Variants in RBFOX1 observed in about 807,000 individuals in gnomAD.
The protein encoded by RBFOX1 is RNA binding fox-1 homolog 1, also known as RNA binding protein fox-1 homolog 1.
RBFOX1 carries 8 observed loss-of-function variants against 57.7 expected under a neutral mutation model. The observed-to-expected ratio is 0.14, with a 90% CI of 0.08 to 0.25. The LOEUF (loss-of-function observed/expected upper bound fraction) is 0.25, where lower values mean the gene tolerates loss of function less well. RBFOX1 is among the 10% of genes least tolerant of loss of function. The pLI, the probability that RBFOX1 is intolerant of heterozygous loss-of-function variation, is 1.00. For synonymous variants in RBFOX1, 326 were observed against 222.4 expected (o/e 1.47, Z -4.15); for missense variants, 611 against 548.5 (o/e 1.11, Z -1.14).
intron 3 of RBFOX1, among the ~76,000 whole-genome samples, chr16:6,930,774 C>T (rs777724084): frequency 6.6e-6 from 1 of 152,126 alleles, no homozygotes; most frequent in African/African-American, 2.4e-5. Context: ...TTGATCCTCC[C>T]TCAGAGAGCT....
intron 2 of RBFOX1, among the ~76,000 whole-genome samples, chr16:6,386,809 A>G (rs2092313892): frequency 6.6e-6 from 1 of 152,222 alleles, no homozygotes; most frequent in Admixed American, 6.5e-5. Flanking sequence ...AATATAAAGA[A>G]TTATTCATGA....
intron 4 of RBFOX1, among the ~76,000 whole-genome samples, chr16:7,079,362 A>G (rs1325841557): frequency 1.3e-5 from 2 of 152,186 alleles, no homozygotes. Context: ...GAGGAAAGGT[A>G]TGCTGAGCAG....
intron 1 of RBFOX1, among the ~76,000 whole-genome samples, chr16:6,047,529 G>C (rs1248615266): frequency 1.3e-5 from 2 of 152,210 alleles, no homozygotes; most frequent in African/African-American, 4.8e-5. Context: ...ATGCCTGGCT[G>C]TCTTCCATCT....
chr16:6,288,859 C>A (rs2077165380), intron 1 of RBFOX1, among the ~76,000 whole-genome samples: 1 of 152,024 alleles, frequency 6.6e-6, no homozygotes, highest in Non-Finnish European at 1.5e-5. Context: ...GGTTGGAATT[C>A]TGGATCTAAG....
intron 3 of RBFOX1, among the ~76,000 whole-genome samples, chr16:6,928,751 T>A (rs1420243749): frequency 6.6e-6 from 1 of 152,156 alleles, no homozygotes; most frequent in Non-Finnish European, 1.5e-5. Context: ...CATATGTGTG[T>A]GTTTCATCAT....
At chr16:7,503,089 AC>A (rs541165596) in intron 4 of RBFOX1, among the ~76,000 whole-genome samples, 306 of 152,150 alleles carry the variant, frequency 2.0e-3, no homozygotes, top group African/African-American at 7.1e-3. Flanking sequence ...TCCTTGCACT[AC>A]TTTTTATCTA....
At chr16:6,741,050 C>T (rs1406702706) in intron 3 of RBFOX1, among the ~76,000 whole-genome samples, 5 of 152,118 alleles carry the variant, frequency 3.3e-5, no homozygotes, top group South Asian at 2.1e-4. Context: ...GAAGAGAAGA[C>T]ACTGAAATAG....
intron 1 of RBFOX1, among the ~76,000 whole-genome samples, chr16:6,179,913 T>C (rs557000458): frequency 6.6e-6 from 1 of 152,300 alleles, no homozygotes; most frequent in South Asian, 2.1e-4. Flanking sequence ...TCCTCGGTTG[T>C]GAGGGTGTAT....
In RBFOX1 at chr16:6,415,242, C is replaced by CAA. The variant is rs57296761; in HGVS notation, c.-64+98208_-64+98209dup. ...GGGTGACAAGAAAGAAACTCTGTCACAAAAAAAAAAAAAAAAAAAAAAAAT... is the reference window on the plus strand; with the variant it reads ...GGGTGACAAGAAAGAAACTCTGTCACAAAAAAAAAAAAAAAAAAAAAAAAAAT... On this transcript the variant is annotated intron_variant, in intron 2 of 15. Transcript: ENST00000550418. Among the ~76,000 whole-genome samples the CAA allele has an allele frequency of 8.6e-3, 860 of 99,960 alleles. 2 individuals are homozygous for CAA. Among genetic ancestry groups the CAA allele is most frequent in the African/African-American group, 0.016 (373 of 24,060 alleles). 65.6% of individuals were successfully genotyped at this position (99,960 alleles called of 152,430 possible). A position where few individuals can be genotyped will look rare whatever the true frequency, so the allele number is the denominator to read the frequency against.
At position 6,866,079 on chromosome 16, in the gene RBFOX1, AGAT is replaced by A. The variant is rs561475613; in HGVS notation, c.-15-185974_-15-185972del. Among the ~76,000 whole-genome samples, 630 of 152,314 alleles carry A rather than the reference AGAT, an allele frequency of 4.1e-3. 2 individuals carry two copies. Among genetic ancestry groups the A allele is most frequent in the Middle Eastern group, 0.014 (4 of 294 alleles). ...AATCAGGATTGAAATAGAAGCCAAA[AGAT>A]GATATTTTTATGGAAAATAATTCCC... On this transcript the variant is annotated intron_variant, in intron 3 of 15. Transcript: ENST00000550418.
chr16:5,424,986 TTC>T (rs1491321617), intron 1 of RBFOX1, among the ~76,000 whole-genome samples: 2,306 of 39,276 alleles, frequency 0.059, 129 homozygotes, highest in East Asian at 0.11. Flanking sequence ...TTCTTTTCTT[TTC>T]TTTTCTTTTC....
intron 1 of RBFOX1, among the ~76,000 whole-genome samples, chr16:5,444,241 C>T (rs1258857576): frequency 1.3e-5 from 2 of 152,134 alleles, no homozygotes; most frequent in African/African-American, 4.8e-5. Flanking sequence ...GTTGATGTGG[C>T]AAAACTGCAG....
rs950858863 is a variant in RBFOX1, at chr16:7,055,563, G to A, written c.27+3465G>A. Among the ~76,000 whole-genome samples, 6 of 152,204 alleles carry A rather than the reference G, an allele frequency of 3.9e-5. No individual in the cohort carries two copies. In the East Asian group the frequency reaches 1.2e-3, roughly 29 times the overall value. ...GAGAAGAGGAGTTTCTCCTTCACAC[G>A]TCTTGCATTTTACTGCAGGAAAATA... On this transcript the variant is annotated intron_variant, in intron 4 of 15. Coordinates refer to ENST00000550418, the MANE Select transcript of RBFOX1 (RefSeq NM_018723.4).
chr16:5,822,380 A>C (rs1025909249), intron 3 of RBFOX1, among the ~76,000 whole-genome samples: 1 of 152,180 alleles, frequency 6.6e-6, no homozygotes, highest in African/African-American at 2.4e-5. Flanking sequence ...ATCTCCACTA[A>C]ATAACTTACT....
chr16:5,506,659 C>A (rs112421901), intron 2 of RBFOX1, among the ~76,000 whole-genome samples: 2 of 152,188 alleles, frequency 1.3e-5, no homozygotes, highest in African/African-American at 4.8e-5. Flanking sequence ...AGAAGGTGGG[C>A]TATAGACTGG....
intron 4 of RBFOX1, among the ~76,000 whole-genome samples, chr16:7,241,442 G>T (rs1228912903): frequency 6.6e-6 from 1 of 152,132 alleles, no homozygotes; most frequent in Non-Finnish European, 1.5e-5. Flanking sequence ...AAGTGTGGTT[G>T]TTTAATTAAA....
chr16:5,856,834 T>A (rs1225958608), intron 3 of RBFOX1, among the ~76,000 whole-genome samples: 1 of 151,764 alleles, frequency 6.6e-6, no homozygotes, highest in African/African-American at 2.4e-5. Context: ...TTGTGGCTTA[T>A]TTGATCTTCT....
chr16:7,549,458 T>C (rs1158803446), intron 5 of RBFOX1, among the ~76,000 whole-genome samples: 2 of 152,040 alleles, frequency 1.3e-5, no homozygotes, highest in African/African-American at 4.8e-5. Context: ...ATAGGATAGA[T>C]GTATATATAA....
chr16:6,266,221 G>C (rs886381303), intron 1 of RBFOX1, among the ~76,000 whole-genome samples: 2 of 152,140 alleles, frequency 1.3e-5, no homozygotes, highest in Non-Finnish European at 2.9e-5. Context: ...ATGTAGCAAA[G>C]CCATAGCTAA....
Sources: allele counts gnomAD v4.1 joint callset (sites outside exome capture counted in the v4.1 genomes callset), GRCh38; gene constraint gnomAD v4.1.1; transcripts MANE v1.5; gene names NCBI Gene and HGNC (gene_info 2026-07-23, HGNC 2026-07-21).